CHCHD3: variants seen among roughly 807,000 people sequenced by gnomAD.
The protein encoded by CHCHD3 is coiled-coil-helix-coiled-coil-helix domain containing 3.
CHCHD3 carries 20 observed loss-of-function variants against 38.2 expected under a neutral mutation model. The observed-to-expected ratio is 0.52, with a 90% confidence interval of 0.37 to 0.76. CHCHD3 has a LOEUF of 0.76. Among genes scored for constraint, CHCHD3 ranks in the 30% least tolerant of loss-of-function variants. The pLI, the probability that CHCHD3 is intolerant of heterozygous loss-of-function variation, is 0.00. For synonymous variants in CHCHD3, 82 were observed against 100.0 expected (o/e 0.82, Z 1.07); for missense variants, 245 against 279.2 (o/e 0.88, Z 0.87).
intron 2 of CHCHD3, among the ~76,000 whole-genome samples, chr7:133,034,077 C>T (rs1813578787): frequency 6.6e-6 from 1 of 152,184 alleles, no homozygotes; most frequent in Admixed American, 6.5e-5. Flanking sequence ...AGAACAATTT[C>T]CCAAACATCG....
chr7:133,000,147 A>G (rs1465873687), intron 3 of CHCHD3, among the ~76,000 whole-genome samples: 1 of 152,158 alleles, frequency 6.6e-6, no homozygotes, highest in African/African-American at 2.4e-5. Context: ...GACAGGTAAT[A>G]CTCTTCGTTC....
chr7:133,001,559 GTCT>G (rs1812572966), intron 3 of CHCHD3, among the ~76,000 whole-genome samples: 1 of 152,076 alleles, frequency 6.6e-6, no homozygotes, highest in African/African-American at 2.4e-5. Context: ...AAGAAAAAAA[GTCT>G]TCTTATTTCT....
chr7:132,902,690 G>GAT (rs1170225291), intron 4 of CHCHD3, among the ~76,000 whole-genome samples: 1 of 152,110 alleles, frequency 6.6e-6, no homozygotes, highest in Non-Finnish European at 1.5e-5. Context: ...AGTGGGGAGG[G>GAT]ATAGCATTAG....
chr7:132,910,128 G>C (rs1317805028), intron 4 of CHCHD3, among the ~76,000 whole-genome samples: 6 of 152,204 alleles, frequency 3.9e-5, no homozygotes, highest in African/African-American at 1.2e-4. Flanking sequence ...AAGTTCTGCA[G>C]GGCCAACTGT....
rs977083464 is a variant in CHCHD3 at position 132,885,169 on chromosome 7, T to C, written c.453+493A>G. Among the ~76,000 whole-genome samples, 21 of 152,134 alleles carry C rather than the reference T, an allele frequency of 1.4e-4. No homozygotes were observed. In the South Asian group the frequency reaches 4.2e-3, roughly 30 times the overall value. Reference sequence around the variant, plus strand: ...CAGGAGGCTAAGGCATGGGAATCACTTGAACCTGGTAGGTGGAGGTTGCAG... The same window carrying C: ...CAGGAGGCTAAGGCATGGGAATCACCTGAACCTGGTAGGTGGAGGTTGCAG... On this transcript the variant is annotated intron_variant, in intron 5 of 7. Coordinates refer to ENST00000262570, the MANE Select transcript of CHCHD3 (RefSeq NM_017812.4).
intron 3 of CHCHD3, among the ~76,000 whole-genome samples, chr7:133,013,169 G>T: frequency 9.0e-6 from 1 of 110,926 alleles, no homozygotes; most frequent in South Asian, 3.1e-4. Context: ...CTGGGCAACA[G>T]AGCAAGACTC....
At chr7:132,963,692 T>TACACACACACAC (rs1174201921) in intron 4 of CHCHD3, among the ~76,000 whole-genome samples, 18 of 46,918 alleles carry the variant, frequency 3.8e-4, no homozygotes, top group Non-Finnish European at 5.8e-4. Context: ...CACAAACGAT[T>TACACACACACAC]ATACACACAC....
chr7:132,857,597 G>A (rs1267754028), intron 5 of CHCHD3, among the ~76,000 whole-genome samples: 1 of 151,938 alleles, frequency 6.6e-6, no homozygotes, highest in Non-Finnish European at 1.5e-5. Flanking sequence ...TAATAGAGAT[G>A]GGGTTTCACC....
intron 2 of CHCHD3, among the ~76,000 whole-genome samples, chr7:133,046,593 CT>C (rs56948433): frequency 1 from 152,212 of 152,212 alleles, 76,106 homozygotes; most frequent in Non-Finnish European, 1. Flanking sequence ...CGGAGTCTCC[CT>C]TCTGTCGCCC....
At chr7:132,824,314 CTTT>C (rs57262694) in intron 6 of CHCHD3, among the ~76,000 whole-genome samples, 74 of 90,128 alleles carry the variant, frequency 8.2e-4, no homozygotes, top group African/African-American at 2.8e-3. Flanking sequence ...TAGTAGAACT[CTTT>C]TTTTTTTTTT....
chr7:132,934,899 C>T (rs1013404275), intron 4 of CHCHD3, among the ~76,000 whole-genome samples: 1 of 152,204 alleles, frequency 6.6e-6, no homozygotes, highest in Non-Finnish European at 1.5e-5. Context: ...CTTATACTAT[C>T]TCCCGCACAA....
chr7:132,884,835 C>T (rs983218629), intron 5 of CHCHD3, among the ~76,000 whole-genome samples: 8 of 152,194 alleles, frequency 5.3e-5, no homozygotes, highest in South Asian at 2.1e-4. Context: ...GCTGACTTGA[C>T]GCCGTATCTC....
intron 2 of CHCHD3, among the ~76,000 whole-genome samples, chr7:133,037,804 A>C (rs2117474504): frequency 6.6e-6 from 1 of 152,264 alleles, no homozygotes; most frequent in African/African-American, 2.4e-5. Context: ...AGAGCGAGAG[A>C]CTGTCTCAGA....
rs147111852 is a variant in CHCHD3, at chr7:133,031,148, T to C, written c.170-6521A>G. ...CTTGATCCTGAGTATTCTTAGGAAA[T>C]GTGAGGAAATTCTTATTCCTCAAAG... On this transcript the variant is annotated intron_variant, in intron 2 of 7. Transcript: ENST00000262570. 5.9e-4 allele frequency among the ~76,000 whole-genome samples: 90 copies of C among 152,242 alleles called. 1 individual carries two copies. In the East Asian group the frequency reaches 0.017, roughly 29 times the overall value.
intron 2 of CHCHD3, among the ~76,000 whole-genome samples, chr7:133,046,440 A>C (rs6969659): frequency 0.04 from 6,026 of 152,332 alleles, 395 homozygotes; most frequent in African/African-American, 0.14. Flanking sequence ...CACTACTTTG[A>C]AATAATAGTA....
chr7:133,000,735 T>C (rs1812548769), intron 3 of CHCHD3, among the ~76,000 whole-genome samples: 1 of 152,180 alleles, frequency 6.6e-6, no homozygotes, highest in South Asian at 2.1e-4. Context: ...TTTAGCCCAA[T>C]ACATCCAAAA....
intron 4 of CHCHD3, among the ~76,000 whole-genome samples, chr7:132,960,360 C>A (rs73724133): frequency 6.6e-6 from 1 of 152,150 alleles, no homozygotes; most frequent in African/African-American, 2.4e-5. Flanking sequence ...TGGTGATGTG[C>A]AAGATGGAGA....
chr7:132,967,187 A>T (rs1006994191), intron 4 of CHCHD3, among the ~76,000 whole-genome samples: 1 of 152,234 alleles, frequency 6.6e-6, no homozygotes, highest in Non-Finnish European at 1.5e-5. Flanking sequence ...CACTTAGAAA[A>T]TATGAGAACA....
intron 5 of CHCHD3, among the ~76,000 whole-genome samples, chr7:132,878,835 T>C (rs1430686091): frequency 6.6e-6 from 1 of 152,194 alleles, no homozygotes; most frequent in African/African-American, 2.4e-5. Context: ...AAACTAATTA[T>C]AGATCTGGAA....
Sources: gnomAD v4.1 joint callset for allele counts (sites outside exome capture counted in the v4.1 genomes callset) on GRCh38, gnomAD v4.1.1 for gene constraint, MANE v1.5 for transcripts, NCBI Gene and HGNC (gene_info 2026-07-23, HGNC 2026-07-21) for gene names.